The following KIFAP3 variants were observed in gnomAD, a reference collection of about 807,000 sequenced individuals.
The protein encoded by KIFAP3 is kinesin associated protein 3, also known as kinesin-associated protein 3.
Under a neutral mutation model 106.5 loss-of-function variants are expected in KIFAP3, and 68 were observed. That is an observed-to-expected ratio of 0.64 (90% CI 0.53 to 0.78). The LOEUF is 0.78. Among genes scored for constraint, KIFAP3 ranks in the 30% least tolerant of loss-of-function variants. The probability of loss-of-function intolerance (pLI) is 0.00; values close to 1 mark genes in which losing one functional copy is unlikely to be tolerated. For missense variants in KIFAP3, 780 were observed against 941.8 expected, an observed-to-expected ratio of 0.83 and a Z score of 2.25; for synonymous variants, 320 against 311.5, an observed-to-expected ratio of 1.03 and a Z score of -0.29.
At chr1:169,987,943 C>G (rs542006929) in intron 11 of KIFAP3, among the ~76,000 whole-genome samples, 2 of 152,088 alleles carry the variant, frequency 1.3e-5, no homozygotes, top group South Asian at 4.2e-4. Context: ...TTAACTCCCG[C>G]TTATCCTCAA....
At chr1:169,969,004 TA>T (rs1274382005) in intron 17 of KIFAP3, among the ~76,000 whole-genome samples, 2 of 151,952 alleles carry the variant, frequency 1.3e-5, no homozygotes, top group Non-Finnish European at 2.9e-5. Context: ...TTTATCTCAT[TA>T]AACCCAATTA....
chr1:170,051,498 T>G (rs552337249), intron 2 of KIFAP3, among the ~76,000 whole-genome samples: 1 of 152,226 alleles, frequency 6.6e-6, no homozygotes, highest in Non-Finnish European at 1.5e-5. Flanking sequence ...GTGTACCTAA[T>G]AGACATCCAC....
At position 170,074,627 on chromosome 1, in the gene KIFAP3, C is replaced by A; in HGVS notation, c.-160G>T. The A allele has an allele frequency of 6.7e-7, 1 of 1,484,486 alleles. No individual in the cohort carries two copies. The allele number at this position is 1,484,486 out of a possible 1,614,324, so 92.0% of individuals were successfully genotyped here. A position where few individuals can be genotyped will look rare whatever the true frequency, so the allele number is the denominator to read the frequency against. ...CGGCGCTGTGGTTACCACGGTGAAG[C>A]CTCCAGCTCCTCCCACAGCTTCTGT... On this transcript the variant is annotated 5_prime_UTR_variant, in exon 1 of 20. Transcript: ENST00000361580.
At chr1:170,000,833 T>C (rs1426566282) in intron 10 of KIFAP3, among the ~76,000 whole-genome samples, 1 of 152,100 alleles carries the variant, frequency 6.6e-6, no homozygotes, top group Non-Finnish European at 1.5e-5. Context: ...AACCAACAGT[T>C]AAGGGGAAAA....
rs553685105 is a variant in KIFAP3 at position 169,972,940 on chromosome 1, C to G, written c.1898-342G>C. 1.0e-3 allele frequency among the ~76,000 whole-genome samples: 153 copies of G among 151,234 alleles called. 1 individual carries two copies. Among genetic ancestry groups the G allele is most frequent in the Non-Finnish European group, 1.9e-3 (131 of 67,678 alleles). ...TATAGTTGTGTAGCTATAAATGCTT[C>G]TTGATCTATCCTGCTCTCCTAAAAA... On this transcript the variant is annotated intron_variant, in intron 16 of 19. Transcript: ENST00000361580.
chr1:169,955,033 G>T lies in KIFAP3; in HGVS notation c.2174-923C>A, dbSNP rs139460924. On this transcript the variant is annotated intron_variant, in intron 18 of 19. Coordinates refer to ENST00000361580, the MANE Select transcript of KIFAP3 (RefSeq NM_014970.4). ...AGATCTAAGTGATGGCTTCAGAGCT[G>T]TTCAATGAATAGAACAAATACGTTA... Among the ~76,000 whole-genome samples the T allele has an allele frequency of 7.7e-4, 118 of 152,292 alleles. No individual in the cohort carries two copies. In the East Asian group the frequency reaches 0.019, roughly 25 times the overall value.
intron 2 of KIFAP3, among the ~76,000 whole-genome samples, chr1:170,048,636 C>T (rs1670400627): frequency 2.6e-5 from 4 of 151,506 alleles, no homozygotes; most frequent in Admixed American, 2.6e-4. Context: ...AACTGAGGTA[C>T]CCAGTTCATC....
At chr1:170,040,180 C>CA (rs530484876) in intron 3 of KIFAP3, among the ~76,000 whole-genome samples, 4 of 151,232 alleles carry the variant, frequency 2.6e-5, no homozygotes, top group Admixed American at 1.3e-4. Context: ...TTTAATTATG[C>CA]AAAAAAAATC....
chr1:170,055,491 G>T, intron 1 of KIFAP3, 55 bp from the exon 2 acceptor site: 4 of 1,409,586 alleles, frequency 2.8e-6, no homozygotes, highest in South Asian at 1.4e-5. Context: ...AAGTGGCCAT[G>T]GTTTTTATCT....
At chr1:169,968,069 C>T (rs11583488) in intron 17 of KIFAP3, among the ~76,000 whole-genome samples, 1 of 151,770 alleles carries the variant, frequency 6.6e-6, no homozygotes, top group Non-Finnish European at 1.5e-5. Flanking sequence ...ACCCTGGTGT[C>T]TTGGCTTTGA....
intron 1 of KIFAP3, chr1:170,068,716 G>C (rs573800873): frequency 7.2e-4 from 110 of 151,784 alleles, no homozygotes; most frequent in African/African-American, 2.6e-3. Context: ...CATCCAAGAA[G>C]CTCAATGAAA....
Position 170,053,935 on chromosome 1 carries a change from A to G in KIFAP3, c.164+1370T>C, listed in dbSNP as rs1328285253. The stretch of plus-strand genomic sequence containing the variant: ...TACCATTCAGGACATAGGCATGGAC[A>G]AGGACTTCATGACTAAAACACCAAA... On this transcript the variant is annotated intron_variant, in intron 2 of 19. Transcript: ENST00000361580. Among the ~76,000 whole-genome samples, 3 of 152,244 alleles carry G rather than the reference A, an allele frequency of 2.0e-5. No individual in the cohort carries two copies. In the East Asian group the frequency reaches 5.8e-4, roughly 29 times the overall value.
intron 10 of KIFAP3, among the ~76,000 whole-genome samples, chr1:170,003,906 G>C (rs1002098903): frequency 3.3e-5 from 5 of 152,132 alleles, no homozygotes; most frequent in African/African-American, 1.2e-4. Flanking sequence ...ATTAGGAAAA[G>C]AGGAAGTCAA....
intron 18 of KIFAP3, among the ~76,000 whole-genome samples, chr1:169,959,784 C>A (rs970827111): frequency 3.9e-5 from 6 of 151,960 alleles, no homozygotes; most frequent in African/African-American, 1.4e-4. Context: ...TAAAAAAATT[C>A]ACATCATATA....
chr1:169,985,430 T>C (rs1666770355), intron 11 of KIFAP3, among the ~76,000 whole-genome samples: 1 of 151,836 alleles, frequency 6.6e-6, no homozygotes, highest in Admixed American at 6.6e-5. Context: ...CTAGATGTTA[T>C]GGTTAAAGGA....
intron 16 of KIFAP3, among the ~76,000 whole-genome samples, chr1:169,976,361 G>C (rs1401640811): frequency 6.6e-6 from 1 of 151,908 alleles, no homozygotes; most frequent in Non-Finnish European, 1.5e-5. Flanking sequence ...GTTCCAAGAA[G>C]ACTCTGTAGC....
At chr1:169,938,024 C>T (rs139230135) in intron 19 of KIFAP3, among the ~76,000 whole-genome samples, 445 of 151,986 alleles carry the variant, frequency 2.9e-3, no homozygotes, top group Middle Eastern at 0.017. Flanking sequence ...ATTATTTCTT[C>T]CTCTGTTATG....
At chr1:169,971,165 C>G (rs191010779) in intron 17 of KIFAP3, among the ~76,000 whole-genome samples, 42 of 152,020 alleles carry the variant, frequency 2.8e-4, no homozygotes, top group Non-Finnish European at 5.6e-4. Context: ...TTCTAGTTAC[C>G]TTTCCTAGAC....
intron 19 of KIFAP3, among the ~76,000 whole-genome samples, chr1:169,946,985 C>A (rs1664475260): frequency 6.6e-6 from 1 of 151,886 alleles, no homozygotes; most frequent in Non-Finnish European, 1.5e-5. Context: ...CTATTGCACT[C>A]TTGTTCTCCT....
Sources: gnomAD v4.1 joint callset for allele counts (sites outside exome capture counted in the v4.1 genomes callset) on GRCh38, gnomAD v4.1.1 for gene constraint, MANE v1.5 for transcripts, NCBI Gene and HGNC (gene_info 2026-07-23, HGNC 2026-07-21) for gene names.